The following BICC1 variants were observed in gnomAD, a reference collection of about 807,000 sequenced individuals.
BICC1 encodes the protein BicC family RNA binding protein 1, also known as protein bicaudal C homolog 1.
A neutral mutation model predicts 111.0 loss-of-function variants in BICC1; 43 were observed. The ratio of observed to expected loss-of-function variants is 0.39; its 90% confidence interval spans 0.30 to 0.50. The LOEUF (loss-of-function observed/expected upper bound fraction) is 0.50. Among genes scored for constraint, BICC1 ranks in the 20% least tolerant of loss-of-function variants. The pLI is 0.88. For synonymous variants in BICC1, 467 were observed against 434.4 expected, an observed-to-expected ratio of 1.07 and a Z score of -0.93; for missense variants, 1,091 against 1,203.2, an observed-to-expected ratio of 0.91 and a Z score of 1.38.
intron 15 of BICC1, among the ~76,000 whole-genome samples, chr10:58,804,227 C>A (rs1183467265): frequency 6.6e-6 from 1 of 152,012 alleles, no homozygotes; most frequent in Admixed American, 6.6e-5. Context: ...TTAAAAAAGA[C>A]ATTTAAGGCC....
chr10:58,770,855 C>G lies in BICC1; in HGVS notation c.308-14146C>G, dbSNP rs562363276. Among the ~76,000 whole-genome samples the G allele has an allele frequency of 1.5e-3, 224 of 152,166 alleles. 2 individuals are homozygous for G. The highest frequency in any genetic ancestry group is 5.2e-3 in the African/African-American group (216 of 41,508). Reference sequence around the variant, plus strand: ...AGAGGGATTCGGAGATTATGTAGACCTGTTGGGCTCTGCTAATCAGAAAAC... The same window carrying G: ...AGAGGGATTCGGAGATTATGTAGACGTGTTGGGCTCTGCTAATCAGAAAAC... On this transcript the variant is annotated intron_variant, in intron 3 of 20. Transcript: ENST00000373886.
intron 3 of BICC1, among the ~76,000 whole-genome samples, chr10:58,734,644 G>A (rs12243698): frequency 0.02 from 3,007 of 152,186 alleles, 116 homozygotes; most frequent in African/African-American, 0.069. Context: ...TGGTAATCTT[G>A]TATTAGCTGA....
In BICC1 at chr10:58,608,698, C is replaced by G. The variant is rs774022474; in HGVS notation, c.191-12157C>G. 3.9e-4 allele frequency among the ~76,000 whole-genome samples: 60 copies of G among 152,172 alleles called. 1 individual carries two copies. The highest frequency in any genetic ancestry group is 9.2e-4 in the Admixed American group (14 of 15,268). Reference sequence around the variant, plus strand: ...TTACAGGGTGCTGCTTTGCATATTTCAGGGGTAAAACAGAGCTTGAAGGAG... The same window carrying G: ...TTACAGGGTGCTGCTTTGCATATTTGAGGGGTAAAACAGAGCTTGAAGGAG... On this transcript the variant is annotated intron_variant, in intron 1 of 20. Transcript: ENST00000373886.
chr10:58,723,907 T>C (rs1841017654), intron 3 of BICC1, among the ~76,000 whole-genome samples: 1 of 152,136 alleles, frequency 6.6e-6, no homozygotes, highest in South Asian at 2.1e-4. Flanking sequence ...TCTTTAGGAG[T>C]GTTGTCTAGC....
At chr10:58,792,751 T>C (rs1470899326) in intron 8 of BICC1, among the ~76,000 whole-genome samples, 1 of 152,206 alleles carries the variant, frequency 6.6e-6, no homozygotes, top group African/African-American at 2.4e-5. Context: ...TATGGTGAGT[T>C]GTATAATTAT....
intron 3 of BICC1, among the ~76,000 whole-genome samples, chr10:58,764,326 A>G (rs1294916531): frequency 6.6e-6 from 1 of 152,202 alleles, no homozygotes; most frequent in African/African-American, 2.4e-5. Flanking sequence ...AGACTGAGCC[A>G]TAGAAGTGGA....
chr10:58,635,245 TA>T (rs1313867073), intron 2 of BICC1, among the ~76,000 whole-genome samples: 1 of 152,230 alleles, frequency 6.6e-6, no homozygotes, highest in Non-Finnish European at 1.5e-5. Context: ...CATTTACAGT[TA>T]AAAAATAGTT....
intron 2 of BICC1, among the ~76,000 whole-genome samples, chr10:58,694,442 A>C (rs1257914607): frequency 2.0e-5 from 3 of 152,204 alleles, no homozygotes; most frequent in Non-Finnish European, 4.4e-5. Flanking sequence ...TTTGTATTTG[A>C]TGCAACAACT....
chr10:58,631,335 T>G (rs1372433362), intron 2 of BICC1, among the ~76,000 whole-genome samples: 1 of 152,166 alleles, frequency 6.6e-6, no homozygotes, highest in Non-Finnish European at 1.5e-5. Flanking sequence ...ACTCTCTCAT[T>G]TTATATGTTT....
intron 1 of BICC1, among the ~76,000 whole-genome samples, chr10:58,596,108 A>G (rs953474313): frequency 6.6e-6 from 1 of 152,244 alleles, no homozygotes; most frequent in Non-Finnish European, 1.5e-5. Context: ...TAGAAAATCT[A>G]GAAGAAATGG....
intron 1 of BICC1, among the ~76,000 whole-genome samples, chr10:58,562,863 G>A: frequency 6.6e-6 from 1 of 152,114 alleles, no homozygotes; most frequent in Admixed American, 6.5e-5. Context: ...CGTATTCAGT[G>A]TCAGCTGTGT....
chr10:58,790,049 A>T, intron 8 of BICC1, 116 bp downstream of exon 8: 2 of 1,176,184 alleles, frequency 1.7e-6, no homozygotes, highest in South Asian at 1.5e-5. Context: ...AGCCTCGTCA[A>T]ATAAGGAAGT....
At chr10:58,804,304 C>T (rs1371165991) in intron 15 of BICC1, among the ~76,000 whole-genome samples, 1 of 152,020 alleles carries the variant, frequency 6.6e-6, no homozygotes, top group African/African-American at 2.4e-5. Context: ...TTGCTTGAGT[C>T]CTGGAGTTTG....
intron 1 of BICC1, among the ~76,000 whole-genome samples, chr10:58,565,359 A>G (rs1009246225): frequency 8.5e-5 from 13 of 152,196 alleles, no homozygotes; most frequent in African/African-American, 3.1e-4. Context: ...AGCTTTTGGA[A>G]TGTTGAACAG....
chr10:58,700,279 A>G (rs1052614940), intron 2 of BICC1, among the ~76,000 whole-genome samples: 8 of 152,160 alleles, frequency 5.3e-5, no homozygotes, highest in Admixed American at 2.6e-4. Context: ...GAGCATGAGA[A>G]GGGGCTGGGA....
chr10:58,602,926 T>C (rs73288185), intron 1 of BICC1, among the ~76,000 whole-genome samples: 1 of 152,234 alleles, frequency 6.6e-6, no homozygotes, highest in Non-Finnish European at 1.5e-5. Flanking sequence ...CTTGGTCTTC[T>C]TGAGTAAAGA....
chr10:58,677,064 C>A (rs916802126), intron 2 of BICC1, among the ~76,000 whole-genome samples: 2 of 152,102 alleles, frequency 1.3e-5, no homozygotes, highest in African/African-American at 4.8e-5. Context: ...CATCAAAGAC[C>A]AAAGGTAGAT....
chr10:58,763,105 A>G (rs931863587), intron 3 of BICC1, among the ~76,000 whole-genome samples: 2 of 152,232 alleles, frequency 1.3e-5, no homozygotes, highest in Non-Finnish European at 2.9e-5. Flanking sequence ...GATTTGCTTC[A>G]TAATTCTCAG....
chr10:58,512,855 G>C (rs1056342275), upstream of BICC1, among the ~76,000 whole-genome samples: 184 of 148,650 alleles, frequency 1.2e-3, no homozygotes, highest in Middle Eastern at 3.4e-3. Context: ...TGGAGGCGCG[G>C]GCAGCGCGGC....
Sources: allele counts gnomAD v4.1 joint callset (sites outside exome capture counted in the v4.1 genomes callset), GRCh38; gene constraint gnomAD v4.1.1; transcripts MANE v1.5; gene names NCBI Gene and HGNC (gene_info 2026-07-23, HGNC 2026-07-21).